ZDHHC15: variants seen among roughly 807,000 people sequenced by gnomAD.
ZDHHC15 encodes the protein palmitoyltransferase ZDHHC15.
ZDHHC15 carries 19 observed loss-of-function variants against 31.7 expected under a neutral mutation model. The observed-to-expected ratio is 0.60, with a 90% CI of 0.42 to 0.88. The LOEUF (loss-of-function observed/expected upper bound fraction) is 0.88, where lower values mean the gene tolerates loss of function less well. Ranked by LOEUF, ZDHHC15 falls within the 40% of genes least tolerant of loss-of-function variation. The pLI, the probability that ZDHHC15 is intolerant of heterozygous loss-of-function variation, is 0.00. For missense variants in ZDHHC15, 209 were observed against 251.2 expected (o/e 0.83, Z 1.14); for synonymous variants, 103 against 90.0 (o/e 1.14, Z -0.82).
chrX:75,437,990 A>G (rs1283450740), intron 4 of ZDHHC15, among the ~76,000 whole-genome samples: 1 of 111,548 alleles, frequency 9.0e-6, no homozygotes, highest in Non-Finnish European at 1.9e-5. Context: ...ACACTTCTCA[A>G]AAGAAGACAT....
At chrX:75,424,108 GTATT>G (rs1314107010) in intron 8 of ZDHHC15, among the ~76,000 whole-genome samples, 3 of 110,802 alleles carry the variant, frequency 2.7e-5, no homozygotes, top group Non-Finnish European at 5.7e-5. Flanking sequence ...TTTGTTCAAT[GTATT>G]TATCTCATTC....
intron 4 of ZDHHC15, among the ~76,000 whole-genome samples, chrX:75,444,435 A>C (rs1405109674): frequency 1.2e-5 from 1 of 80,719 alleles, no homozygotes; most frequent in African/African-American, 5.1e-5. Context: ...ACTTGGACAC[A>C]GGAAGGGGAA....
At chrX:75,379,001 T>C (rs1312720081) in intron 11 of ZDHHC15, 119 bp downstream of exon 11, 2 of 514,731 alleles carry the variant, frequency 3.9e-6, no homozygotes, top group Non-Finnish European at 6.3e-6. Flanking sequence ...ATTACAAGAG[T>C]GAAGAATTTA....
At chrX:75,412,882 G>C (rs1160634081) in intron 10 of ZDHHC15, among the ~76,000 whole-genome samples, 2 of 112,032 alleles carry the variant, frequency 1.8e-5, no homozygotes, top group African/African-American at 6.5e-5. Context: ...GAGAGCCAGA[G>C]AATACAACAG....
intron 7 of ZDHHC15, among the ~76,000 whole-genome samples, chrX:75,427,624 T>A (rs1286530862): frequency 9.0e-6 from 1 of 111,666 alleles, no homozygotes; most frequent in Non-Finnish European, 1.9e-5. Flanking sequence ...TAGATTTTCT[T>A]CACATTCAGG....
intron 3 of ZDHHC15, among the ~76,000 whole-genome samples, chrX:75,470,312 A>G (rs759313977): frequency 1.8e-5 from 2 of 111,649 alleles, no homozygotes; most frequent in East Asian, 5.7e-4. Flanking sequence ...TGGGACTCGG[A>G]CTGGCTTTCC....
At chrX:75,394,552 A>T (rs996624302) in intron 10 of ZDHHC15, among the ~76,000 whole-genome samples, 1 of 112,040 alleles carries the variant, frequency 8.9e-6, no homozygotes, top group Admixed American at 9.4e-5. Flanking sequence ...AGTGAAAACA[A>T]AAACAGAGCA....
chrX:75,388,639 A>G (rs2083206135), intron 10 of ZDHHC15, among the ~76,000 whole-genome samples: 1 of 112,043 alleles, frequency 8.9e-6, no homozygotes, highest in African/African-American at 3.2e-5. Context: ...AAAATAACAC[A>G]GCTACAAAGG....
chrX:75,443,530 G>C (rs1407755921), intron 4 of ZDHHC15, among the ~76,000 whole-genome samples: 1 of 111,795 alleles, frequency 8.9e-6, no homozygotes, highest in Non-Finnish European at 1.9e-5. Flanking sequence ...AGAAAACCTA[G>C]GCAATAACAT....
intron 10 of ZDHHC15, among the ~76,000 whole-genome samples, chrX:75,388,396 A>C (rs1410761456): frequency 8.9e-6 from 1 of 112,263 alleles, no homozygotes; most frequent in African/African-American, 3.2e-5. Flanking sequence ...GGTAGTATAC[A>C]AATACATAAG....
intron 10 of ZDHHC15, among the ~76,000 whole-genome samples, chrX:75,412,453 C>T (rs759133802): frequency 1.2e-4 from 13 of 108,750 alleles, no homozygotes; most frequent in Admixed American, 2.0e-4. Context: ...TTTTTTGACA[C>T]GGAAGTATCA....
intron 10 of ZDHHC15, among the ~76,000 whole-genome samples, chrX:75,402,391 T>A (rs2083367411): frequency 9.2e-6 from 1 of 109,250 alleles, no homozygotes; most frequent in Non-Finnish European, 1.9e-5. Flanking sequence ...ATAACAAAAA[T>A]CACAGCTGAA....
intron 3 of ZDHHC15, among the ~76,000 whole-genome samples, chrX:75,456,790 G>A (rs2084230815): frequency 9.0e-6 from 1 of 111,262 alleles, no homozygotes. Context: ...GAGCAGTTGG[G>A]TCCAGCACTT....
chrX:75,514,301 T>G (rs931296655), intron 1 of ZDHHC15, among the ~76,000 whole-genome samples: 1 of 112,415 alleles, frequency 8.9e-6, no homozygotes, highest in Non-Finnish European at 1.9e-5. Flanking sequence ...ATGATAAATC[T>G]ACGTTAAGGA....
chrX:75,430,136 G>A (rs768383587), intron 5 of ZDHHC15, among the ~76,000 whole-genome samples, 156 bp from the exon 6 acceptor site: 1 of 111,663 alleles, frequency 9.0e-6, no homozygotes, highest in African/African-American at 3.3e-5. Context: ...GTGGCCCTCA[G>A]TTATTTCTAG....
Position 75,370,901 on chromosome X carries a change from C to T in ZDHHC15, c.*2077G>A, listed in dbSNP as rs1458216857. On this transcript the variant is annotated 3_prime_UTR_variant, in exon 12 of 12. Coordinates refer to ENST00000373367, the MANE Select transcript of ZDHHC15 (RefSeq NM_144969.3). ...CAATCAGCTTTGCATTACATCTTTC[C>T]TGAGCTTTACCTCTCCGGAACTTCC... 8.9e-6 allele frequency: 1 copy of T among 111,837 alleles called. No homozygotes were observed. The highest frequency in any genetic ancestry group is 2.8e-4 in the East Asian group (1 of 3,558). The allele number at this position is 111,837 out of a possible 1,213,427, so 9.2% of individuals were successfully genotyped here. A position where few individuals can be genotyped will look rare whatever the true frequency, so the allele number is the denominator to read the frequency against.
At position 75,422,000 on chromosome X, in the gene ZDHHC15, G is replaced by T. The variant is rs768758266; in HGVS notation, c.737-10C>A. On this transcript the variant is annotated splice_polypyrimidine_tract_variant and intron_variant, in intron 8 of 11. Coordinates refer to ENST00000373367, the MANE Select transcript of ZDHHC15 (RefSeq NM_144969.3). ...GGAGTGCAGAAGGCCTCTAAGGCAG[G>T]GCAGGAGAGTTGAAGAAAAGAGGAA... 1 of 1,192,792 alleles carries T rather than the reference G, an allele frequency of 8.4e-7. No individual in the cohort carries two copies. Among genetic ancestry groups the T allele is most frequent in the East Asian group, 3.0e-5 (1 of 33,429 alleles).
At chrX:75,437,284 AATTT>A (rs2083868202) in intron 4 of ZDHHC15, among the ~76,000 whole-genome samples, 2 of 97,758 alleles carry the variant, frequency 2.0e-5, no homozygotes, top group South Asian at 9.3e-4. Flanking sequence ...TTTTTTTTTA[AATTT>A]ATTTATTATT....
intron 3 of ZDHHC15, among the ~76,000 whole-genome samples, chrX:75,460,321 T>A (rs1272020670): frequency 9.0e-6 from 1 of 110,902 alleles, no homozygotes; most frequent in Non-Finnish European, 1.9e-5. Context: ...GGGGTGGCTG[T>A]TATCTCTGTG....
Sources: allele counts gnomAD v4.1 joint callset (sites outside exome capture counted in the v4.1 genomes callset), GRCh38; gene constraint gnomAD v4.1.1; transcripts MANE v1.5; gene names NCBI Gene and HGNC (gene_info 2026-07-23, HGNC 2026-07-21).